The following STYXL1 variants were observed in gnomAD, a reference collection of about 807,000 sequenced individuals.
STYXL1 encodes serine/threonine/tyrosine-interacting-like protein 1.
A neutral mutation model predicts 36.4 loss-of-function variants in STYXL1; 32 were observed. That is an observed-to-expected ratio of 0.88 (90% CI 0.66 to 1.18). The LOEUF is 1.18. STYXL1 is among the 50% of genes most tolerant of loss of function. STYXL1 has a pLI of 0.00. For synonymous variants in STYXL1, 133 were observed against 144.1 expected, an observed-to-expected ratio of 0.92 and a Z score of 0.55; for missense variants, 354 against 394.1, an observed-to-expected ratio of 0.90 and a Z score of 0.86.
chr7:76,042,754 C>A (rs1048955095), intron 1 of STYXL1, among the ~76,000 whole-genome samples: 2 of 152,156 alleles, frequency 1.3e-5, no homozygotes, highest in Non-Finnish European at 2.9e-5. Context: ...CCTCTGATCT[C>A]ATACAATTTC....
At chr7:76,018,939 C>T (rs1033812412) in intron 4 of STYXL1, among the ~76,000 whole-genome samples, 2 of 152,180 alleles carry the variant, frequency 1.3e-5, no homozygotes, top group African/African-American at 4.8e-5. Context: ...CTTTCTGGTT[C>T]GCAGTGTATG....
intron 2 of STYXL1, among the ~76,000 whole-genome samples, chr7:76,030,004 T>C (rs140010993): frequency 6.6e-6 from 1 of 151,890 alleles, no homozygotes; most frequent in Non-Finnish European, 1.5e-5. Flanking sequence ...TTTTTATTTT[T>C]TTTTTTCTTT....
chr7:76,016,274 G>A (rs1242003002), intron 4 of STYXL1, among the ~76,000 whole-genome samples: 2 of 150,918 alleles, frequency 1.3e-5, no homozygotes, highest in Non-Finnish European at 2.9e-5. Context: ...ATGTATGTGT[G>A]TATATATGTA....
intron 1 of STYXL1, among the ~76,000 whole-genome samples, chr7:76,038,915 T>C (rs1366543564): frequency 6.9e-6 from 1 of 145,588 alleles, no homozygotes; most frequent in Non-Finnish European, 1.5e-5. Context: ...GCCTTCCGAG[T>C]AGCTGGGACT....
At chr7:76,035,553 A>C (rs1795831863) in intron 1 of STYXL1, among the ~76,000 whole-genome samples, 1 of 149,724 alleles carries the variant, frequency 6.7e-6, no homozygotes, top group South Asian at 2.2e-4. Flanking sequence ...ACCTGCCATC[A>C]TACTTTTTCC....
chr7:76,032,510 A>G (rs374258313), intron 1 of STYXL1, among the ~76,000 whole-genome samples: 1 of 151,984 alleles, frequency 6.6e-6, no homozygotes, highest in Non-Finnish European at 1.5e-5. Flanking sequence ...CAGGAGTTCA[A>G]GACCAACATG....
At chr7:76,046,636 C>G (rs1228679129) in intron 1 of STYXL1, among the ~76,000 whole-genome samples, 1 of 130,350 alleles carries the variant, frequency 7.7e-6, no homozygotes, top group Non-Finnish European at 1.6e-5. Flanking sequence ...CATAAGCCAC[C>G]ACACCCGGCT....
At chr7:75,999,387 T>C (rs566432096) in intron 8 of STYXL1, among the ~76,000 whole-genome samples, 150 of 152,280 alleles carry the variant, frequency 9.9e-4, no homozygotes, top group African/African-American at 3.3e-3. Flanking sequence ...CTGTTTCAGG[T>C]TTGCAAGATG....
chr7:76,013,716 T>C (rs782017244), intron 5 of STYXL1, 26 bp downstream of exon 5: 1 of 1,613,744 alleles, frequency 6.2e-7, no homozygotes, highest in Admixed American at 1.7e-5. Context: ...CGTCTGGGCC[T>C]GCCTGTGCTC....
chr7:76,004,197 G>A (rs1383027048), intron 6 of STYXL1, among the ~76,000 whole-genome samples: 1 of 152,074 alleles, frequency 6.6e-6, no homozygotes, highest in African/African-American at 2.4e-5. Flanking sequence ...AGGTTCAAGC[G>A]ATTCTCCTGC....
chr7:76,038,603 T>G (rs1796177595), intron 1 of STYXL1, among the ~76,000 whole-genome samples: 1 of 151,798 alleles, frequency 6.6e-6, no homozygotes, highest in Non-Finnish European at 1.5e-5. Context: ...TTTGTATTTT[T>G]TTTTAGTAGA....
At chr7:76,032,767 T>C (rs1795511611) in intron 1 of STYXL1, among the ~76,000 whole-genome samples, 1 of 152,116 alleles carries the variant, frequency 6.6e-6, no homozygotes, top group Non-Finnish European at 1.5e-5. Context: ...CAGGAGGTTC[T>C]CACCTAGTTG....
chr7:76,012,013 A>T (rs562258341), intron 5 of STYXL1, among the ~76,000 whole-genome samples: 82 of 152,382 alleles, frequency 5.4e-4, no homozygotes, highest in African/African-American at 1.9e-3. Context: ...TTGTATTAAA[A>T]AATAGGCTGA....
At chr7:76,018,367 C>G (rs188201558) in intron 4 of STYXL1, among the ~76,000 whole-genome samples, 29 of 152,074 alleles carry the variant, frequency 1.9e-4, no homozygotes, top group Non-Finnish European at 4.4e-5. Flanking sequence ...TAGTGTTCAT[C>G]TACATTATAG....
At chr7:76,009,078 T>C (rs1219634474) in intron 5 of STYXL1, among the ~76,000 whole-genome samples, 1 of 152,070 alleles carries the variant, frequency 6.6e-6, no homozygotes, top group Non-Finnish European at 1.5e-5. Flanking sequence ...CTTCCTGCTG[T>C]TTTTAAACCA....
Position 76,005,922 on chromosome 7 carries a change from G to C in STYXL1, c.454-518C>G, listed in dbSNP as rs190569854. ...GGAGAGAGGAGGAGGAGGAGGAGGA[G>C]GGAGGAGGTGGAGGAGGAGAGAGGA... On this transcript the variant is annotated intron_variant, in intron 5 of 8. Coordinates refer to ENST00000359697, the MANE Select transcript of STYXL1 (RefSeq NM_001317785.2). Among the ~76,000 whole-genome samples, 806 of 148,702 alleles carry C rather than the reference G, an allele frequency of 5.4e-3. 8 individuals carry two copies. The highest frequency in any genetic ancestry group is 0.019 in the African/African-American group (754 of 40,438).
In STYXL1 at chr7:75,999,511, A is replaced by ATGTGTGTGTGTGTGTGTG. The variant is rs71301271; in HGVS notation, c.810+1361_810+1378dup. On this transcript the variant is annotated intron_variant, in intron 8 of 8. Transcript: ENST00000359697. ...TTTTGTTGTGTGTGTGTGTGTGTGT[A>ATGTGTGTGTGTGTGTGTG]TGTGTGTGTGTGTGTGTGTGTGTGT... Among the ~76,000 whole-genome samples, 927 of 95,834 alleles carry ATGTGTGTGTGTGTGTGTG rather than the reference A, an allele frequency of 9.7e-3. 11 individuals are homozygous for ATGTGTGTGTGTGTGTGTG. The highest frequency in any genetic ancestry group is 0.021 in the Middle Eastern group (4 of 190). The allele number at this position is 95,834 out of a possible 152,430, so 62.9% of individuals were successfully genotyped here.
intron 5 of STYXL1, among the ~76,000 whole-genome samples, chr7:76,007,806 G>C (rs1554570938): frequency 1.3e-5 from 2 of 150,950 alleles, no homozygotes; most frequent in African/African-American, 4.9e-5. Flanking sequence ...CTGTACTCCC[G>C]GCTACTCAGG....
At chr7:76,039,160 A>G (rs373625662) in intron 1 of STYXL1, among the ~76,000 whole-genome samples, 4 of 146,628 alleles carry the variant, frequency 2.7e-5, no homozygotes, top group Non-Finnish European at 5.9e-5. Context: ...CTGGTCTCGA[A>G]CTCCTGACCT....
Sources: gnomAD v4.1 joint callset for allele counts (sites outside exome capture counted in the v4.1 genomes callset) on GRCh38, gnomAD v4.1.1 for gene constraint, MANE v1.5 for transcripts, NCBI Gene and HGNC (gene_info 2026-07-23, HGNC 2026-07-21) for gene names.